BMERB1: variants seen among roughly 807,000 people sequenced by gnomAD.
BMERB1 encodes the protein bMERB domain containing 1.
In BMERB1, 12 loss-of-function variants were observed where a neutral mutation model predicts 23.6. The observed-to-expected ratio is 0.51, with a 90% CI of 0.33 to 0.82. BMERB1 has a LOEUF of 0.82. BMERB1 is among the 40% of genes least tolerant of loss of function. BMERB1 has a pLI of 0.03. For missense variants in BMERB1, 247 were observed against 255.4 expected (o/e 0.97, Z 0.22); for synonymous variants, 122 against 96.6 (o/e 1.26, Z -1.54).
At chr16:15,499,045 G>C (rs902998760) in intron 1 of BMERB1, among the ~76,000 whole-genome samples, 2 of 152,204 alleles carry the variant, frequency 1.3e-5, no homozygotes, top group African/African-American at 4.8e-5. Flanking sequence ...GATTAGGCTG[G>C]AATTTGTCTT....
At chr16:15,489,884 T>A (rs1738182587) in intron 1 of BMERB1, among the ~76,000 whole-genome samples, 1 of 152,154 alleles carries the variant, frequency 6.6e-6, no homozygotes, top group Non-Finnish European at 1.5e-5. Flanking sequence ...TCTTTTTTTT[T>A]GAGATGGAGT....
chr16:15,476,160 C>CTT (rs55893889), intron 1 of BMERB1, among the ~76,000 whole-genome samples: 6 of 86,560 alleles, frequency 6.9e-5, no homozygotes, highest in African/African-American at 7.1e-5. Flanking sequence ...ATGTCATTCA[C>CTT]TTTTTTTTTT....
intron 1 of BMERB1, among the ~76,000 whole-genome samples, chr16:15,460,251 C>G (rs1051384560): frequency 3.9e-5 from 6 of 152,042 alleles, no homozygotes; most frequent in African/African-American, 1.4e-4. Flanking sequence ...ACTAAATGAC[C>G]CTACCTAAGA....
At chr16:15,577,332 C>G (rs887253123) in intron 3 of BMERB1, 1 of 152,120 alleles carries the variant, frequency 6.6e-6, no homozygotes, top group African/African-American at 2.4e-5. Flanking sequence ...AAAAGGAAAA[C>G]CTTACCGAGG....
chr16:15,561,256 ATTTTTTTTTTTTTT>A (rs35139646), intron 2 of BMERB1, among the ~76,000 whole-genome samples: 4 of 42,214 alleles, frequency 9.5e-5, no homozygotes, highest in African/African-American at 2.1e-4. Context: ...CACGCCGGCC[ATTTTTTTTTTTTTT>A]TTTTTTTTTT....
chr16:15,580,625 G>C, intron 3 of BMERB1, among the ~76,000 whole-genome samples: 1 of 148,994 alleles, frequency 6.7e-6, no homozygotes, highest in South Asian at 2.1e-4. Flanking sequence ...TCAGCTCACT[G>C]CAAGCTCCAC....
intron 3 of BMERB1, among the ~76,000 whole-genome samples, chr16:15,571,039 C>G (rs970531395): frequency 1.3e-5 from 2 of 150,884 alleles, no homozygotes; most frequent in Non-Finnish European, 2.9e-5. Context: ...TCAGGAAGGT[C>G]TTTGTGACCT....
intron 5 of BMERB1, 47 bp from the exon 6 acceptor site, chr16:15,586,670 T>A: frequency 2.7e-6 from 4 of 1,475,656 alleles, no homozygotes; most frequent in Non-Finnish European, 3.7e-6. Context: ...CACCTCTCTC[T>A]CTCTGTTCCT....
intron 2 of BMERB1, among the ~76,000 whole-genome samples, chr16:15,517,864 GATGTGTGTGGGTGTGTGGATGTGT>G (rs2051786479): frequency 7.2e-6 from 1 of 139,084 alleles, no homozygotes; most frequent in Admixed American, 7.7e-5. Flanking sequence ...TGTGTGTGTG[GATGTGTGTGGGTGTGTGGATGTGT>G]GTGTGTGGAT....
rs1371595843 is a variant in BMERB1 at position 15,587,521 on chromosome 16, G to A, written c.*692G>A. The A allele has an allele frequency of 4.4e-6, 2 of 450,328 alleles. No individual in the cohort carries two copies. The highest frequency in any genetic ancestry group is 9.0e-6 in the Non-Finnish European group (2 of 223,224). 27.9% of individuals were successfully genotyped at this position (450,328 alleles called of 1,614,324 possible). ...TCTGCCTCAGGTGTGTGCCTGGAGG[G>A]GGCCTGGACTGGCATGGATCCAGTG... On this transcript the variant is annotated 3_prime_UTR_variant, in exon 6 of 6. Coordinates refer to ENST00000300006, the MANE Select transcript of BMERB1 (RefSeq NM_033201.3).
intron 2 of BMERB1, among the ~76,000 whole-genome samples, chr16:15,549,506 C>A (rs549052216): frequency 1.6e-3 from 248 of 152,088 alleles, no homozygotes; most frequent in African/African-American, 5.9e-3. Flanking sequence ...TGGTGAAACC[C>A]TGTCTCTACT....
At chr16:15,500,373 C>G (rs546357569) in intron 1 of BMERB1, among the ~76,000 whole-genome samples, 76 of 152,254 alleles carry the variant, frequency 5.0e-4, no homozygotes, top group African/African-American at 1.7e-3. Context: ...CCAGGTTGAA[C>G]GTGCTGAGGC....
intron 1 of BMERB1, among the ~76,000 whole-genome samples, chr16:15,497,406 A>T (rs2051483461): frequency 6.6e-6 from 1 of 152,168 alleles, no homozygotes; most frequent in South Asian, 2.1e-4. Flanking sequence ...CTTATTTGAG[A>T]GGCAAGGAAT....
At chr16:15,459,256 A>G (rs1190227162) in intron 1 of BMERB1, among the ~76,000 whole-genome samples, 2 of 152,114 alleles carry the variant, frequency 1.3e-5, no homozygotes, top group African/African-American at 4.8e-5. Context: ...GCAAAATGTC[A>G]GGTGTAAATC....
At chr16:15,480,525 TC>T (rs2051310708) in intron 1 of BMERB1, among the ~76,000 whole-genome samples, 1 of 152,010 alleles carries the variant, frequency 6.6e-6, no homozygotes, top group South Asian at 2.1e-4. Flanking sequence ...TTAGTATGTT[TC>T]CATATTCATT....
intron 1 of BMERB1, among the ~76,000 whole-genome samples, chr16:15,505,887 CAA>C (rs754187273): frequency 3.2e-4 from 18 of 55,612 alleles, no homozygotes; most frequent in South Asian, 5.5e-4. Flanking sequence ...GACGCCGTTT[CAA>C]AAAAAAAAAA....
At chr16:15,541,423 GTTTTTTTT>G (rs869249451) in intron 2 of BMERB1, among the ~76,000 whole-genome samples, 1 of 92,128 alleles carries the variant, frequency 1.1e-5, no homozygotes, top group African/African-American at 5.5e-5. Flanking sequence ...CCGCCGAATT[GTTTTTTTT>G]TTTTTTTTTT....
chr16:15,576,905 C>T (rs1852481990), intron 3 of BMERB1, among the ~76,000 whole-genome samples: 2 of 152,190 alleles, frequency 1.3e-5, no homozygotes, highest in Non-Finnish European at 2.9e-5. Flanking sequence ...CTCTCGGTCT[C>T]TCTCGAGAAG....
At chr16:15,444,119 C>CTTT (rs1225982061) in intron 1 of BMERB1, among the ~76,000 whole-genome samples, 25 of 24,420 alleles carry the variant, frequency 1.0e-3, no homozygotes, top group Non-Finnish European at 1.5e-3. Flanking sequence ...CAGGCACCAG[C>CTTT]TTTGTTTTTT....
Sources: gnomAD v4.1 joint callset for allele counts (sites outside exome capture counted in the v4.1 genomes callset) on GRCh38, gnomAD v4.1.1 for gene constraint, MANE v1.5 for transcripts, NCBI Gene and HGNC (gene_info 2026-07-23, HGNC 2026-07-21) for gene names.